OPTN: variants seen among roughly 807,000 people sequenced by gnomAD.
OPTN encodes the protein optineurin.
A neutral mutation model predicts 70.4 loss-of-function variants in OPTN; 54 were observed. That is an observed-to-expected ratio of 0.77 (90% CI 0.62 to 0.96). The LOEUF is 0.96. OPTN is among the 40% of genes least tolerant of loss of function. The pLI, the probability that OPTN is intolerant of heterozygous loss-of-function variation, is 0.00. For synonymous variants in OPTN, 256 were observed against 248.5 expected (o/e 1.03, Z -0.28); for missense variants, 624 against 673.2 (o/e 0.93, Z 0.81).
In OPTN at chr10:13,122,331, A is replaced by G. The variant is rs770573293; in HGVS notation, c.780-54A>G. On this transcript the variant is annotated intron_variant, in intron 7 of 14. Coordinates refer to ENST00000378747, the MANE Select transcript of OPTN (RefSeq NM_001008212.2). ...TTTTAGTACTTCTGTAATAATTGCT[A>G]TTTCTCTTAAAGCCAAAGAGAAAGT... 1.4e-4 allele frequency: 166 copies of G among 1,222,880 alleles called. No individual in the cohort carries two copies. The highest frequency in any genetic ancestry group is 1.9e-4 in the Non-Finnish European group (159 of 828,766). 75.8% of individuals were successfully genotyped at this position (1,222,880 alleles called of 1,614,324 possible).
chr10:13,116,201 T>A, intron 5 of OPTN, 66 bp from the exon 6 acceptor site: 1 of 1,114,918 alleles, frequency 9.0e-7, no homozygotes, highest in Non-Finnish European at 1.4e-6. Flanking sequence ...GTCTTTTTCT[T>A]CTTTTGACAA....
chr10:13,108,940 A>C, intron 2 of OPTN, 172 bp from the exon 3 acceptor site: 1 of 696,218 alleles, frequency 1.4e-6, no homozygotes, highest in Non-Finnish European at 2.6e-6. Flanking sequence ...CTGAAGCTAC[A>C]TATACCTTTT....
intron 7 of OPTN, among the ~76,000 whole-genome samples, chr10:13,121,239 G>C (rs542666120): frequency 2.6e-5 from 4 of 152,130 alleles, no homozygotes; most frequent in African/African-American, 9.7e-5. Context: ...AATTGCACTC[G>C]AGAGATAGTG....
rs923868518 is a variant in OPTN, at chr10:13,136,462, C to G, written c.1613-283C>G. ...GGCGGAGGTTGCAGTGAGCCAAGAT[C>G]GTGCCACTGCCCTCCAGCCTGGGTG... On this transcript the variant is annotated intron_variant, in intron 14 of 14. Coordinates refer to ENST00000378747, the MANE Select transcript of OPTN (RefSeq NM_001008212.2). Among the ~76,000 whole-genome samples the G allele has an allele frequency of 4.5e-5, 6 of 133,520 alleles. No homozygotes were observed. The East Asian group carries it at 9.8e-4, about 22-fold the overall frequency. 87.6% of individuals were successfully genotyped at this position (133,520 alleles called of 152,430 possible).
chr10:13,108,228 G>T lies in OPTN; in HGVS notation c.-73G>T, dbSNP rs1832909871. On this transcript the variant is annotated 5_prime_UTR_variant, in exon 2 of 15. Coordinates refer to ENST00000378747, the MANE Select transcript of OPTN (RefSeq NM_001008212.2). ...CAACTTCCTCACCTTTGAAACAGCT[G>T]CCTGGTTCAGCATTAATGAAGATTA... 1 of 152,200 alleles carries T rather than the reference G, an allele frequency of 6.6e-6. No homozygotes were observed. The highest frequency in any genetic ancestry group is 6.5e-5 in the Admixed American group (1 of 15,282). 9.4% of individuals were successfully genotyped at this position (152,200 alleles called of 1,614,324 possible). A position where few individuals can be genotyped will look rare whatever the true frequency, so the allele number is the denominator to read the frequency against.
Position 13,110,409 on chromosome 10 carries a change from G to A in OPTN, c.302G>A (p.Ser101Asn). The A allele has an allele frequency of 6.2e-7, 1 of 1,614,096 alleles. No homozygotes were observed. Among genetic ancestry groups the A allele is most frequent in the Non-Finnish European group, 8.5e-7 (1 of 1,180,006 alleles). ...KEAKERLMAL[S>N]HENEKLKEEL... ...GCAAAAGAGCGTCTAATGGCCTTGA[G>A]TCATGAGAATGAGAAATTGAAGGAA... Residue 101 changes from serine to asparagine, a missense_variant, in exon 4 of 15, where the codon AGT (serine) becomes AAT (asparagine). Ser to Asn is a conservative substitution (Grantham distance 46). Coordinates refer to ENST00000378747, the MANE Select transcript of OPTN (RefSeq NM_001008212.2).
intron 11 of OPTN, among the ~76,000 whole-genome samples, 192 bp from the exon 12 acceptor site, chr10:13,127,553 C>T (rs1238335233): frequency 4.6e-5 from 7 of 152,056 alleles, no homozygotes; most frequent in Non-Finnish European, 1.0e-4. Context: ...TTTTAGATCT[C>T]GCTATGTTGC....
chr10:13,127,682 TA>T, intron 11 of OPTN, 62 bp from the exon 12 acceptor site: 1 of 1,552,390 alleles, frequency 6.4e-7, no homozygotes, highest in African/African-American at 1.4e-5. Context: ...CTTTTTCTAA[TA>T]TTTTACTAAA....
chr10:13,129,026 CTT>C (rs202043694), intron 12 of OPTN, among the ~76,000 whole-genome samples: 1,762 of 152,200 alleles, frequency 0.012, 84 homozygotes, highest in Admixed American at 0.088. Flanking sequence ...GTTTAAGAAA[CTT>C]TTACTACCCC....
chr10:13,134,229 G>A (rs888158964), intron 14 of OPTN, among the ~76,000 whole-genome samples: 3 of 152,066 alleles, frequency 2.0e-5, no homozygotes, highest in African/African-American at 7.2e-5. Context: ...TCACAGAGAC[G>A]CCCTTTTCTT....
chr10:13,110,515 TTC>T (rs779887367), intron 4 of OPTN, 39 bp downstream of exon 4: 2 of 1,579,198 alleles, frequency 1.3e-6, no homozygotes, highest in South Asian at 1.1e-5. Context: ...TTTTTTTTTT[TTC>T]CCTTGACATT....
In OPTN at chr10:13,100,216, C is replaced by A. The variant is rs886046818; in HGVS notation, c.-250C>A. ...GCCGCCCGCCGGCAGGTTCCCTGGT[C>A]AGCGTCCCATCCCGGTCGGGAGTTC... On this transcript the variant is annotated 5_prime_UTR_variant, in exon 1 of 15. Transcript: ENST00000378747. 128 of 154,324 alleles carry A rather than the reference C, an allele frequency of 8.3e-4. 1 individual carries two copies. The highest frequency in any genetic ancestry group is 1.4e-3 in the Non-Finnish European group (99 of 69,384). The allele number at this position is 154,324 out of a possible 1,614,324, so 9.6% of individuals were successfully genotyped here.
At chr10:13,128,218 C>T (rs569711430) in intron 12 of OPTN, among the ~76,000 whole-genome samples, 25 of 152,176 alleles carry the variant, frequency 1.6e-4, no homozygotes, top group African/African-American at 5.3e-4. Flanking sequence ...GGAGTGGAGT[C>T]GCTGGATCAT....
intron 6 of OPTN, among the ~76,000 whole-genome samples, chr10:13,117,598 A>G (rs1385430234): frequency 2.6e-5 from 4 of 151,874 alleles, no homozygotes; most frequent in Admixed American, 2.6e-4. Flanking sequence ...GGTGGCCGCC[A>G]CCACGCCCAG....
At chr10:13,116,916 C>T (rs954320737) in intron 6 of OPTN, among the ~76,000 whole-genome samples, 2 of 152,110 alleles carry the variant, frequency 1.3e-5, no homozygotes, top group African/African-American at 4.8e-5. Context: ...TAAATAGTGG[C>T]AGGGCCTTGG....
intron 5 of OPTN, 83 bp from the exon 6 acceptor site, chr10:13,116,181 TTCA>T (rs1833203356): frequency 4.2e-6 from 4 of 950,228 alleles, no homozygotes; most frequent in Non-Finnish European, 6.8e-6. Context: ...GTCACAAAAA[TTCA>T]TCTTTTGTCT....
intron 8 of OPTN, among the ~76,000 whole-genome samples, chr10:13,123,566 G>C (rs987412043): frequency 3.3e-5 from 5 of 152,114 alleles, no homozygotes; most frequent in African/African-American, 1.2e-4. Flanking sequence ...AAAAATTATA[G>C]AGCTGCCAGG....
chr10:13,120,043 C>T (rs1485117484), intron 7 of OPTN, among the ~76,000 whole-genome samples: 4 of 142,014 alleles, frequency 2.8e-5, no homozygotes, highest in Admixed American at 1.5e-4. Context: ...AGTGCAGTGG[C>T]GCAATCTCGG....
At chr10:13,115,220 TTTATA>T (rs1166027611) in intron 5 of OPTN, among the ~76,000 whole-genome samples, 6 of 82,508 alleles carry the variant, frequency 7.3e-5, no homozygotes, top group Non-Finnish European at 1.0e-4. Flanking sequence ...TATATATATA[TTTATA>T]TATAGATATA....
Sources: gnomAD v4.1 joint callset for allele counts (sites outside exome capture counted in the v4.1 genomes callset) on GRCh38, gnomAD v4.1.1 for gene constraint, MANE v1.5 for transcripts, NCBI Gene and HGNC (gene_info 2026-07-23, HGNC 2026-07-21) for gene names.